MSI2: variants seen among roughly 807,000 people sequenced by gnomAD.
MSI2 encodes musashi RNA binding protein 2, also known as RNA-binding protein Musashi homolog 2.
MSI2 carries 17 observed loss-of-function variants against 45.6 expected under a neutral mutation model. That is an observed-to-expected ratio of 0.37 (90% CI 0.26 to 0.56). The LOEUF (loss-of-function observed/expected upper bound fraction) is 0.56. Ranked by LOEUF, MSI2 falls within the 20% of genes least tolerant of loss-of-function variation. MSI2 has a pLI of 0.77. For synonymous variants in MSI2, 156 were observed against 158.2 expected, an observed-to-expected ratio of 0.99 and a Z score of 0.11; for missense variants, 293 against 444.2, an observed-to-expected ratio of 0.66 and a Z score of 3.06.
Position 57,643,754 on chromosome 17 carries a change from C to T in MSI2, c.728-8345C>T, listed in dbSNP as rs532690538. 3.9e-4 allele frequency among the ~76,000 whole-genome samples: 59 copies of T among 152,356 alleles called. 1 individual carries two copies. Among genetic ancestry groups the T allele is most frequent in the Middle Eastern group, 3.4e-3 (1 of 294 alleles). ...TTAGTCCTATCAGTCTGAAGAGTTA[C>T]ATACATATCTTTTTTAAAATTAAGC... On this transcript the variant is annotated intron_variant, in intron 10 of 13. Transcript: ENST00000284073.
chr17:57,277,619 G>T (rs966817814), intron 5 of MSI2, among the ~76,000 whole-genome samples: 1 of 152,216 alleles, frequency 6.6e-6, no homozygotes, highest in Non-Finnish European at 1.5e-5. Context: ...GAGGCAGACA[G>T]TCTTAGGGTT....
chr17:57,563,025 G>A (rs1598402912), intron 7 of MSI2, among the ~76,000 whole-genome samples: 1 of 148,788 alleles, frequency 6.7e-6, no homozygotes, highest in Non-Finnish European at 1.5e-5. Context: ...TTGAATCCAG[G>A]AGGTGGAGAA....
intron 6 of MSI2, among the ~76,000 whole-genome samples, chr17:57,433,702 C>G (rs1459532848): frequency 6.6e-6 from 1 of 152,164 alleles, no homozygotes; most frequent in Non-Finnish European, 1.5e-5. Flanking sequence ...CCCAGACTTC[C>G]CTAATGCGGA....
At chr17:57,442,074 G>C (rs1203672967) in intron 6 of MSI2, among the ~76,000 whole-genome samples, 2 of 145,804 alleles carry the variant, frequency 1.4e-5, no homozygotes, top group East Asian at 4.1e-4. Context: ...GTCTTGCTCT[G>C]TCTCCAGGCT....
chr17:57,587,259 T>C (rs1904380280), intron 7 of MSI2, among the ~76,000 whole-genome samples: 1 of 152,088 alleles, frequency 6.6e-6, no homozygotes, highest in East Asian at 1.9e-4. Context: ...AAACTCTTTG[T>C]AACTAAAGCC....
chr17:57,263,956 T>A (rs1907543755), intron 5 of MSI2: 1 of 152,256 alleles, frequency 6.6e-6, no homozygotes, highest in African/African-American at 2.4e-5. Context: ...GACTTGGCTG[T>A]TCATTATCTC....
At chr17:57,514,727 T>G (rs1718342372) in intron 6 of MSI2, among the ~76,000 whole-genome samples, 1 of 151,522 alleles carries the variant, frequency 6.6e-6, no homozygotes, top group Admixed American at 6.6e-5. Context: ...TAGGGTGTTG[T>G]GTGGCTCAGG....
At chr17:57,384,628 T>C (rs1371448158) in intron 5 of MSI2, among the ~76,000 whole-genome samples, 1 of 152,220 alleles carries the variant, frequency 6.6e-6, no homozygotes, top group African/African-American at 2.4e-5. Flanking sequence ...TGTGCTGCAA[T>C]TGGCAAAGCA....
At chr17:57,370,688 C>G (rs1229130790) in intron 5 of MSI2, among the ~76,000 whole-genome samples, 1 of 152,180 alleles carries the variant, frequency 6.6e-6, no homozygotes, top group Non-Finnish European at 1.5e-5. Context: ...ATGGATTTAA[C>G]CTCTGTGAGC....
rs539990993 is a variant in MSI2, at chr17:57,274,548, G to A, written c.312+12356G>A. On this transcript the variant is annotated intron_variant, in intron 5 of 13. Transcript: ENST00000284073. ...TAGAAAGGAGCACGTCCTGTGGCAG[G>A]TTTGGGTAAGTGCTCCGTGCCTGCC... 8 of 152,360 alleles carry A rather than the reference G, an allele frequency of 5.3e-5. No individual in the cohort carries two copies. The East Asian group carries it at 1.3e-3, about 26-fold the overall frequency. The allele number at this position is 152,360 out of a possible 1,614,324, so 9.4% of individuals were successfully genotyped here.
chr17:57,361,449 A>C (rs755263969), intron 5 of MSI2, among the ~76,000 whole-genome samples: 1 of 151,876 alleles, frequency 6.6e-6, no homozygotes, highest in Non-Finnish European at 1.5e-5. Context: ...AAAATAAAAA[A>C]AAAAAAATTA....
intron 8 of MSI2, among the ~76,000 whole-genome samples, chr17:57,606,614 A>C (rs186012472): frequency 1.5e-4 from 23 of 152,228 alleles, no homozygotes; most frequent in Admixed American, 8.5e-4. Context: ...CTGAGGGAAG[A>C]GCCACATCTC....
intron 10 of MSI2, among the ~76,000 whole-genome samples, chr17:57,648,132 CGTGTGTGTGTGTGTGTGTGTGTGTGTGT>C (rs765039915): frequency 6.9e-5 from 8 of 116,182 alleles, no homozygotes; most frequent in Admixed American, 2.6e-4. Flanking sequence ...CTGGCTAATT[CGTGTGTGTGTGTGTGTGTGTGTGTGTGT>C]GTGTGTGTGT....
intron 6 of MSI2, among the ~76,000 whole-genome samples, chr17:57,409,820 A>C (rs2084156941): frequency 6.6e-6 from 1 of 152,050 alleles, no homozygotes; most frequent in Non-Finnish European, 1.5e-5. Flanking sequence ...CAGCCTGGCC[A>C]ACATGGTGAA....
Position 57,681,417 on chromosome 17 carries a change from G to C in MSI2, c.*1900G>C. 1 of 178,774 alleles carries C rather than the reference G, an allele frequency of 5.6e-6. No homozygotes were observed. Among genetic ancestry groups the C allele is most frequent in the Non-Finnish European group, 1.2e-5 (1 of 83,486 alleles). 11.1% of individuals were successfully genotyped at this position (178,774 alleles called of 1,614,324 possible). ...TTACGTTTATAAATTTGGTACTTAA[G>C]GCACAGCCAGTATGAGACACTGAAT... On this transcript the variant is annotated 3_prime_UTR_variant, in exon 14 of 14. Transcript: ENST00000284073.
intron 7 of MSI2, among the ~76,000 whole-genome samples, chr17:57,538,222 G>T (rs2086963241): frequency 6.6e-6 from 1 of 152,182 alleles, no homozygotes; most frequent in Non-Finnish European, 1.5e-5. Flanking sequence ...GGCACTGCCA[G>T]TGGCCGGAGA....
rs143499277 is a variant in MSI2 at position 57,358,376 on chromosome 17, G to A, written c.313-43003G>A. The stretch of plus-strand genomic sequence containing the variant: ...GGGCTTGCCAGGTAACACCTTGAAT[G>A]ACTCAAGGCTCTGAGGCCAGGCTGC... On this transcript the variant is annotated intron_variant, in intron 5 of 13. Coordinates refer to ENST00000284073, the MANE Select transcript of MSI2 (RefSeq NM_138962.4). Among the ~76,000 whole-genome samples the A allele has an allele frequency of 1.1e-3, 163 of 152,286 alleles. 1 individual carries two copies. Among genetic ancestry groups the A allele is most frequent in the African/African-American group, 3.9e-3 (162 of 41,546 alleles).
At chr17:57,558,221 C>T (rs1254359366) in intron 7 of MSI2, among the ~76,000 whole-genome samples, 1 of 152,196 alleles carries the variant, frequency 6.6e-6, no homozygotes, top group Non-Finnish European at 1.5e-5. Context: ...GTAATTGCAC[C>T]TATTCAGCAC....
intron 5 of MSI2, among the ~76,000 whole-genome samples, chr17:57,295,402 G>A (rs1910833243): frequency 6.6e-6 from 1 of 152,060 alleles, no homozygotes; most frequent in African/African-American, 2.4e-5. Flanking sequence ...AAGATGGGTT[G>A]TGTCACACCC....
Sources: gnomAD v4.1 joint callset for allele counts (sites outside exome capture counted in the v4.1 genomes callset) on GRCh38, gnomAD v4.1.1 for gene constraint, MANE v1.5 for transcripts, NCBI Gene and HGNC (gene_info 2026-07-23, HGNC 2026-07-21) for gene names.